Variants in BNC2 observed in about 807,000 individuals in gnomAD.
The protein encoded by BNC2 is zinc finger protein basonuclin-2.
A neutral mutation model predicts 76.3 loss-of-function variants in BNC2; 20 were observed. The ratio of observed to expected loss-of-function variants is 0.26; its 90% CI spans 0.18 to 0.38. BNC2 has a LOEUF of 0.38. BNC2 is among the 10% of genes least tolerant of loss of function. The probability of loss-of-function intolerance (pLI) is 1.00; values close to 1 mark genes in which losing one functional copy is unlikely to be tolerated. For synonymous variants in BNC2, 582 were observed against 514.8 expected (o/e 1.13, Z -1.77); for missense variants, 1,382 against 1,399.8 (o/e 0.99, Z 0.20).
At chr9:16,639,252 T>C (rs921169467) in intron 3 of BNC2, among the ~76,000 whole-genome samples, 3 of 152,198 alleles carry the variant, frequency 2.0e-5, no homozygotes, top group African/African-American at 7.2e-5. Context: ...TGAAAATTTA[T>C]ATTCATAACA....
At chr9:16,559,814 C>T (rs1818955360) in intron 4 of BNC2, among the ~76,000 whole-genome samples, 2 of 152,230 alleles carry the variant, frequency 1.3e-5, no homozygotes, top group African/African-American at 2.4e-5. Flanking sequence ...TCCACCAGCA[C>T]CTATTAACTT....
At chr9:16,611,378 G>A (rs1337392) in intron 3 of BNC2, among the ~76,000 whole-genome samples, 151,887 of 152,252 alleles carry the variant, frequency 1, 75,761 homozygotes, top group Middle Eastern at 1. Context: ...TCTGGAAAAC[G>A]GCTGTAAAGT....
chr9:16,754,701 C>A (rs1296195210), intron 1 of BNC2, among the ~76,000 whole-genome samples: 1 of 151,984 alleles, frequency 6.6e-6, no homozygotes, highest in Non-Finnish European at 1.5e-5. Flanking sequence ...GGGATTATAG[C>A]CACCCACCAC....
chr9:16,538,138 G>A (rs1358753210), intron 5 of BNC2, among the ~76,000 whole-genome samples: 1 of 152,148 alleles, frequency 6.6e-6, no homozygotes, highest in Non-Finnish European at 1.5e-5. Context: ...GTAGAACAGA[G>A]GAAAGAGAAG....
intron 3 of BNC2, among the ~76,000 whole-genome samples, chr9:16,667,080 TACACACACAC>T (rs139744564): frequency 2.8e-5 from 4 of 142,414 alleles, no homozygotes; most frequent in Admixed American, 2.1e-4. Flanking sequence ...CAGATACACA[TACACACACAC>T]ACACACACAC....
intron 6 of BNC2, chr9:16,429,412 T>G (rs1036239027): frequency 6.6e-6 from 1 of 152,464 alleles, no homozygotes; most frequent in African/African-American, 2.4e-5. Flanking sequence ...AATGAGCATC[T>G]CAAATAAATG....
intron 1 of BNC2, among the ~76,000 whole-genome samples, chr9:16,842,404 A>C (rs1156627271): frequency 6.6e-6 from 1 of 152,216 alleles, no homozygotes; most frequent in Non-Finnish European, 1.5e-5. Flanking sequence ...TCATCTCAGA[A>C]ACACTCCAGC....
At chr9:16,562,245 T>C (rs1819037031) in intron 4 of BNC2, among the ~76,000 whole-genome samples, 1 of 152,196 alleles carries the variant, frequency 6.6e-6, no homozygotes, top group East Asian at 1.9e-4. Flanking sequence ...TGTCCAATAA[T>C]GAAAATGGTC....
chr9:16,582,906 C>CAG, intron 4 of BNC2, 77 bp downstream of exon 4: 24 of 950,276 alleles, frequency 2.5e-5, no homozygotes, highest in Non-Finnish European at 3.9e-5. Context: ...CACACACACA[C>CAG]ACACACACAC....
chr9:16,503,715 A>G (rs1587106503), intron 5 of BNC2, among the ~76,000 whole-genome samples: 1 of 152,186 alleles, frequency 6.6e-6, no homozygotes, highest in Non-Finnish European at 1.5e-5. Context: ...AGACATGACA[A>G]TGTTTACTCA....
At chr9:16,579,208 A>G (rs1819563097) in intron 4 of BNC2, among the ~76,000 whole-genome samples, 2 of 152,164 alleles carry the variant, frequency 1.3e-5, no homozygotes, top group Non-Finnish European at 2.9e-5. Context: ...GTGAAAAGTA[A>G]CACAGCCCAC....
chr9:16,707,699 T>G (rs1443874436), intron 3 of BNC2, among the ~76,000 whole-genome samples: 4 of 152,214 alleles, frequency 2.6e-5, no homozygotes, highest in Non-Finnish European at 4.4e-5. Context: ...TGGAGTGCAG[T>G]GGCACGGTTT....
chr9:16,811,086 C>T (rs888067113), intron 1 of BNC2, among the ~76,000 whole-genome samples: 5 of 151,894 alleles, frequency 3.3e-5, no homozygotes, highest in African/African-American at 1.2e-4. Context: ...GGCATGGTGG[C>T]GGGCGCCTGT....
rs60545823 is a variant in BNC2 at position 16,614,958 on chromosome 9, TAAAAAAAAAAAAAAAAAAAA to T, written c.331-31893_331-31874del. On this transcript the variant is annotated intron_variant, in intron 3 of 6. Coordinates refer to ENST00000380672, the MANE Select transcript of BNC2 (RefSeq NM_017637.6). The stretch of plus-strand genomic sequence containing the variant: ...ATGACAGAGTGAGACTCTGTCTCTT[TAAAAAAAAAAAAAAAAAAAA>T]AAAAAAAAAAAAAAAAAAAAAAAAA... 4.0e-4 allele frequency among the ~76,000 whole-genome samples: 25 copies of T among 62,526 alleles called. 3 individuals are homozygous for T. The highest frequency in any genetic ancestry group is 9.2e-4 in the African/African-American group (14 of 15,188). 41.0% of individuals were successfully genotyped at this position (62,526 alleles called of 152,430 possible).
At chr9:16,668,557 T>A (rs1225663807) in intron 3 of BNC2, among the ~76,000 whole-genome samples, 1 of 152,230 alleles carries the variant, frequency 6.6e-6, no homozygotes, top group Non-Finnish European at 1.5e-5. Flanking sequence ...TAAGCTATGA[T>A]TAGTTCAATG....
Position 16,414,235 on chromosome 9 carries a change from C to G in BNC2, c.*4754G>C. The G allele has an allele frequency of 6.6e-6, 1 of 152,206 alleles. No homozygotes were observed. Among genetic ancestry groups the G allele is most frequent in the Non-Finnish European group, 1.5e-5 (1 of 68,064 alleles). 9.4% of individuals were successfully genotyped at this position (152,206 alleles called of 1,614,324 possible). On this transcript the variant is annotated 3_prime_UTR_variant, in exon 7 of 7. Transcript: ENST00000380672. Reference sequence around the variant, plus strand: ...CAATACGCTCTCACCCACTGCGAGGCAGAGCTATGCCAGTCTTTTCTCTCG... The same window carrying G: ...CAATACGCTCTCACCCACTGCGAGGGAGAGCTATGCCAGTCTTTTCTCTCG...
intron 1 of BNC2, among the ~76,000 whole-genome samples, chr9:16,824,640 C>T (rs1403195737): frequency 6.6e-6 from 1 of 152,134 alleles, no homozygotes; most frequent in South Asian, 2.1e-4. Context: ...CACTGCTAGG[C>T]CCAGCTAATG....
intron 5 of BNC2, among the ~76,000 whole-genome samples, chr9:16,548,239 G>A (rs1396221481): frequency 6.6e-6 from 1 of 152,038 alleles, no homozygotes; most frequent in Non-Finnish European, 1.5e-5. Flanking sequence ...ATTTTTAAAT[G>A]ACTAAATTCA....
chr9:16,456,886 CAT>C (rs1289490813), intron 5 of BNC2, among the ~76,000 whole-genome samples: 1 of 152,128 alleles, frequency 6.6e-6, no homozygotes, highest in Non-Finnish European at 1.5e-5. Flanking sequence ...TTTGTTAACT[CAT>C]AAAGAATTTC....
Sources: allele counts gnomAD v4.1 joint callset (sites outside exome capture counted in the v4.1 genomes callset), GRCh38; gene constraint gnomAD v4.1.1; transcripts MANE v1.5; gene names NCBI Gene and HGNC (gene_info 2026-07-23, HGNC 2026-07-21).